BRD8: variants seen among roughly 807,000 people sequenced by gnomAD.
BRD8 encodes bromodomain-containing protein 8.
Under a neutral mutation model 143.1 loss-of-function variants are expected in BRD8, and 67 were observed. The observed-to-expected ratio is 0.47, with a 90% CI of 0.38 to 0.57. BRD8 has a LOEUF of 0.57. BRD8 is among the 20% of genes least tolerant of loss of function. The pLI, the probability that BRD8 is intolerant of heterozygous loss-of-function variation, is 0.00. For missense variants in BRD8, 1,103 were observed against 1,503.0 expected (o/e 0.73, Z 4.40); for synonymous variants, 505 against 517.1 (o/e 0.98, Z 0.32).
At chr5:138,152,813 AG>A in intron 20 of BRD8, 53 bp from the exon 21 acceptor site, 3 of 1,563,590 alleles carry the variant, frequency 1.9e-6, no homozygotes, top group Non-Finnish European at 2.6e-6. Flanking sequence ...AATATTCCTG[AG>A]GCATCTCCAT....
At position 138,167,962 on chromosome 5, in the gene BRD8, A is replaced by T; in HGVS notation, c.759T>A (p.Asn253Lys). ...ATGCAGCAGGGGAGGCTGCAACAGT[A>T]TTGGGTGTTTGCTGTATCTCCCCAC... ...IHGGEIQQTPNTVAASPAASG... is the reference protein window; with the variant it reads ...IHGGEIQQTPKTVAASPAASG... Residue 253 changes from asparagine (N) to lysine (K), a missense_variant, in exon 9 of 27, where the codon AAT becomes AAA. Physicochemically the swap from Asn to Lys is moderately conservative, Grantham distance 94. Around this residue, in one of 7 missense-constraint regions of BRD8, gnomAD observed 334 missense variants for 372.5 expected, o/e 0.90. Transcript: ENST00000254900. The T allele has an allele frequency of 1.2e-6, 2 of 1,613,878 alleles. No homozygotes were observed. Among genetic ancestry groups the T allele is most frequent in the Non-Finnish European group, 1.7e-6 (2 of 1,179,740 alleles).
chr5:138,155,336 C>G (rs960161625), intron 20 of BRD8, among the ~76,000 whole-genome samples: 5 of 151,194 alleles, frequency 3.3e-5, no homozygotes, highest in African/African-American at 4.9e-5. Flanking sequence ...GTGATCCCAG[C>G]TACTCGGGAG....
chr5:138,165,744 A>AT, intron 11 of BRD8, 84 bp downstream of exon 11: 10 of 1,330,230 alleles, frequency 7.5e-6, no homozygotes, highest in Non-Finnish European at 1.0e-5. Flanking sequence ...AAAAAAAAAA[A>AT]GCAGCAGCAG....
At chr5:138,163,981 C>A in intron 14 of BRD8, 106 bp downstream of exon 14, 1 of 1,350,570 alleles carries the variant, frequency 7.4e-7, no homozygotes, top group South Asian at 1.2e-5. Flanking sequence ...CCATACCAGT[C>A]TCTTATCAGA....
rs760528624 is a variant in BRD8 at position 138,164,973 on chromosome 5, T to C, written c.1472A>G (p.Glu491Gly). Residue 491 changes from glutamate (E) to glycine (G), a missense_variant, in exon 12 of 27, where the codon GAA becomes GGA. Physicochemically the swap from Glu to Gly is moderately conservative, Grantham distance 98 (BLOSUM62 -2). Transcript: ENST00000254900. ...CACCAGTTCATGTATTCCCTTGTTT[T>C]CCGTTTCCTCAAAGTCCAGTCTCTC... ...KQERLDFEET[E>G]NKGIHELVDI... 2 of 1,614,210 alleles carry C rather than the reference T, an allele frequency of 1.2e-6. No individual in the cohort carries two copies. The highest frequency in any genetic ancestry group is 4.5e-5 in the East Asian group (2 of 44,886).
intron 25 of BRD8, among the ~76,000 whole-genome samples, chr5:138,144,898 C>CAAAAAA (rs34496046): frequency 1.2e-4 from 12 of 103,528 alleles, no homozygotes; most frequent in Admixed American, 2.5e-4. Context: ...GAGACCCTGT[C>CAAAAAA]AAAAAAAAAA....
chr5:138,145,947 G>C, intron 23 of BRD8, 69 bp from the exon 24 acceptor site: 1 of 1,333,926 alleles, frequency 7.5e-7, no homozygotes, highest in Non-Finnish European at 1.1e-6. Flanking sequence ...CCCCAGGTGG[G>C]TAATGAGGTT....
intron 3 of BRD8, 50 bp downstream of exon 3, chr5:138,172,015 A>C (rs748105286): frequency 7.0e-7 from 1 of 1,425,088 alleles, no homozygotes; most frequent in Non-Finnish European, 9.9e-7. Context: ...TAGAGAACCT[A>C]CTTTACAACC....
intron 20 of BRD8, among the ~76,000 whole-genome samples, 173 bp from the exon 21 acceptor site, chr5:138,152,933 A>T (rs1360701021): frequency 6.6e-6 from 1 of 152,228 alleles, no homozygotes; most frequent in Non-Finnish European, 1.5e-5. Flanking sequence ...ATGAAATTAT[A>T]TTTGTCTTTG....
chr5:138,171,799 T>C (rs1460493678), intron 3 of BRD8, among the ~76,000 whole-genome samples: 1 of 152,202 alleles, frequency 6.6e-6, no homozygotes, highest in Non-Finnish European at 1.5e-5. Context: ...CAGAGGATCA[T>C]GGCCCAAAGT....
chr5:138,159,366 C>CTACA (rs986061833), intron 20 of BRD8, among the ~76,000 whole-genome samples, 189 bp downstream of exon 20: 1 of 150,298 alleles, frequency 6.7e-6, no homozygotes, highest in African/African-American at 2.4e-5. Context: ...CCTACCCAGC[C>CTACA]CACACACACA....
At position 138,161,035 on chromosome 5, in the gene BRD8, T is replaced by A. The variant is rs1468200925; in HGVS notation, c.2283A>T (p.Ile761=). 1.2e-6 allele frequency: 2 copies of A among 1,612,710 alleles called. No homozygotes were observed. Among genetic ancestry groups the A allele is most frequent in the Admixed American group, 3.4e-5 (2 of 59,686 alleles). The change falls in exon 18 of 27, where the codon ATA becomes ATT. Residue 761 remains isoleucine, a synonymous_variant. Coordinates refer to ENST00000254900, the MANE Select transcript of BRD8 (RefSeq NM_139199.2). ...CTGTGCTTCGGATCAGTCCATTTTC[T>A]ATGTTTTTCTTAATAGTTGACAAAT... ...PMDLSTIKKN[I]ENGLIRSTAE...
chr5:138,154,713 A>C (rs75625524), intron 20 of BRD8, among the ~76,000 whole-genome samples: 1,873 of 152,268 alleles, frequency 0.012, 40 homozygotes, highest in African/African-American at 0.042. Flanking sequence ...CTTCTCAAGA[A>C]GACTTTGACT....
chr5:138,154,628 C>T (rs1752501457), intron 20 of BRD8, among the ~76,000 whole-genome samples: 2 of 152,160 alleles, frequency 1.3e-5, no homozygotes, highest in Admixed American at 6.6e-5. Flanking sequence ...ACTGTATCTT[C>T]TCTTCCTTAG....
Position 138,164,853 on chromosome 5 carries a change from G to T in BRD8, c.1592C>A (p.Ala531Asp). 1 of 1,614,168 alleles carries T rather than the reference G, an allele frequency of 6.2e-7. No individual in the cohort carries two copies. The change falls in exon 12 of 27, where the codon GCC becomes GAC. Residue 531 changes from alanine to aspartate, a missense_variant. Physicochemically the swap from Ala to Asp is moderately radical, Grantham distance 126. This residue lies in a region of BRD8 where 139 missense variants were observed against 139.0 expected (regional missense o/e 1.00). Transcript: ENST00000254900. ...GAEIVAGVVP[A>D]TSMEPPELRS... ...GAGTTCTGGTGGCTCCATACTTGTG[G>T]CTGGAACAACTCCAGCTACTATTTC...
intron 21 of BRD8, 25 bp downstream of exon 21, chr5:138,152,457 T>G (rs749230187): frequency 6.2e-7 from 1 of 1,609,662 alleles, no homozygotes; most frequent in African/African-American, 1.3e-5. Context: ...CTTTTCCAGC[T>G]TTGGAAATAA....
intron 25 of BRD8, among the ~76,000 whole-genome samples, chr5:138,144,175 T>C (rs1752040022): frequency 6.6e-6 from 1 of 152,114 alleles, no homozygotes; most frequent in Non-Finnish European, 1.5e-5. Flanking sequence ...GCTTCACTCC[T>C]GAAGCCAGCG....
At chr5:138,165,686 A>T in intron 11 of BRD8, 142 bp downstream of exon 11, 1 of 932,682 alleles carries the variant, frequency 1.1e-6, no homozygotes, top group African/African-American at 1.7e-5. Flanking sequence ...AGATCGTGCC[A>T]CTGCACTTCA....
intron 17 of BRD8, 200 bp from the exon 18 acceptor site, chr5:138,161,268 G>A (rs747545347): frequency 1.1e-5 from 5 of 464,444 alleles, no homozygotes; most frequent in Non-Finnish European, 1.9e-5. Flanking sequence ...AGGTAATAAA[G>A]GGAGTTTATT....
Sources: allele counts gnomAD v4.1 joint callset (sites outside exome capture counted in the v4.1 genomes callset), GRCh38; gene constraint gnomAD v4.1.1; regional missense constraint gnomAD v4.1.1; transcripts MANE v1.5; gene names NCBI Gene and HGNC (gene_info 2026-07-23, HGNC 2026-07-21).